The following PSAP variants were observed in gnomAD, a reference collection of about 807,000 sequenced individuals.
PSAP encodes precursor of saposins.
PSAP carries 25 observed loss-of-function variants against 66.0 expected under a neutral mutation model. The observed-to-expected ratio is 0.38, with a 90% CI of 0.28 to 0.53. PSAP has a LOEUF of 0.53. Ranked by LOEUF, PSAP falls within the 20% of genes least tolerant of loss-of-function variation. The pLI is 0.83. For synonymous variants in PSAP, 273 were observed against 258.9 expected (o/e 1.05, Z -0.52); for missense variants, 649 against 668.8 (o/e 0.97, Z 0.33).
chr10:71,851,030 A>T, intron 1 of PSAP, 152 bp downstream of exon 1: 1 of 837,340 alleles, frequency 1.2e-6, no homozygotes, highest in Non-Finnish European at 1.9e-6. Flanking sequence ...AGAGAAAGCC[A>T]GAGAAAGCCA....
chr10:71,818,770 G>T, intron 12 of PSAP, 46 bp from the exon 13 acceptor site: 1 of 1,467,438 alleles, frequency 6.8e-7, no homozygotes, highest in Non-Finnish European at 9.6e-7. Context: ...AATGAGAGCT[G>T]CCCGATGTAT....
Position 71,817,134 on chromosome 10 carries a change from C to G in PSAP, c.*307G>C. 2.1e-6 allele frequency: 1 copy of G among 486,278 alleles called. No individual in the cohort carries two copies. The highest frequency in any genetic ancestry group is 2.1e-5 in the South Asian group (1 of 47,454). The allele number at this position is 486,278 out of a possible 1,614,324, so 30.1% of individuals were successfully genotyped here. On this transcript the variant is annotated 3_prime_UTR_variant, in exon 14 of 14. Transcript: ENST00000394936. ...GGGTTGATGGCCTCCAGTCAAGAAA[C>G]TGTGGCTCATGCCAGCAGAGCTCTC... is the stretch of plus-strand genomic sequence containing the variant.
In PSAP at chr10:71,819,935, G is replaced by T; in HGVS notation, c.1006-35C>A. On this transcript the variant is annotated intron_variant, in intron 9 of 13. Transcript: ENST00000394936. ...ACGAGAGGATCGTGTGAGAAGACGG[G>T]AGGCCGGACAAGGGTTGGGGGACAT... 1.3e-6 allele frequency: 2 copies of T among 1,578,388 alleles called. 1 individual carries two copies. Among genetic ancestry groups the T allele is most frequent in the Middle Eastern group, 3.4e-4 (2 of 5,958 alleles).
intron 11 of PSAP, 159 bp from the exon 12 acceptor site, chr10:71,819,270 C>T (rs1842241586): frequency 9.9e-7 from 1 of 1,009,312 alleles, no homozygotes; most frequent in African/African-American, 1.6e-5. Flanking sequence ...ACCCTATCTA[C>T]ATTTGGCCTC....
chr10:71,843,713 T>G (rs4746095), intron 1 of PSAP, among the ~76,000 whole-genome samples: 6,706 of 152,150 alleles, frequency 0.044, 211 homozygotes, highest in Admixed American at 0.095. Context: ...AGCTGGGAAG[T>G]GGGAAGAGAT....
chr10:71,843,168 G>A (rs1218327674), intron 1 of PSAP, among the ~76,000 whole-genome samples: 2 of 152,104 alleles, frequency 1.3e-5, no homozygotes, highest in African/African-American at 2.4e-5. Flanking sequence ...GCAGGGACCC[G>A]AATGCACAGA....
chr10:71,841,730 G>A (rs1171215489), intron 1 of PSAP, among the ~76,000 whole-genome samples: 1 of 152,146 alleles, frequency 6.6e-6, no homozygotes. Flanking sequence ...AAATGGCCAG[G>A]TGCAGTGGCT....
At chr10:71,827,870 C>G in intron 6 of PSAP, 144 bp downstream of exon 6, 1 of 1,171,090 alleles carries the variant, frequency 8.5e-7, no homozygotes, top group Non-Finnish European at 1.2e-6. Context: ...TGCCATTAAC[C>G]AAAATAGATT....
intron 10 of PSAP, 42 bp from the exon 11 acceptor site, chr10:71,819,664 C>G (rs1260903768): frequency 6.2e-7 from 1 of 1,614,070 alleles, no homozygotes. Context: ...CAGGGCCCTC[C>G]CAGACCCAAG....
intron 2 of PSAP, 107 bp from the exon 3 acceptor site, chr10:71,832,027 G>T: frequency 9.1e-7 from 1 of 1,103,942 alleles, no homozygotes; most frequent in Non-Finnish European, 1.4e-6. Flanking sequence ...CCAGGGATAT[G>T]ATCATGACCG....
rs143094993 is a variant in PSAP at position 71,838,208 on chromosome 10, C to G, written c.41-3703G>C. Among the ~76,000 whole-genome samples, 466 of 152,314 alleles carry G rather than the reference C, an allele frequency of 3.1e-3. 3 individuals carry two copies. Among genetic ancestry groups the G allele is most frequent in the African/African-American group, 0.01 (429 of 41,564 alleles). On this transcript the variant is annotated intron_variant, in intron 1 of 13. Coordinates refer to ENST00000394936, the MANE Select transcript of PSAP (RefSeq NM_002778.4). ...GAGCCAAGAGAGGCTAACACAGAGT[C>G]CAAGAGAACAAGATGGGCAAATGGC...
chr10:71,841,932 C>T (rs12266725), intron 1 of PSAP, among the ~76,000 whole-genome samples: 2,476 of 150,864 alleles, frequency 0.016, 73 homozygotes, highest in African/African-American at 0.058. Flanking sequence ...CTTGAACCTG[C>T]AAGGCAGAGG....
chr10:71,849,895 G>A (rs977035301), intron 1 of PSAP, among the ~76,000 whole-genome samples: 2 of 152,070 alleles, frequency 1.3e-5, no homozygotes, highest in African/African-American at 4.8e-5. Context: ...ATACCTATGA[G>A]AATTAAGCTC....
chr10:71,833,975 C>G (rs553336371), intron 2 of PSAP, among the ~76,000 whole-genome samples: 2 of 152,264 alleles, frequency 1.3e-5, no homozygotes, highest in Admixed American at 1.3e-4. Flanking sequence ...GAGTGAGTGA[C>G]CAAGGATAGA....
At chr10:71,849,291 G>C (rs1360597250) in intron 1 of PSAP, among the ~76,000 whole-genome samples, 2 of 152,226 alleles carry the variant, frequency 1.3e-5, no homozygotes, top group Non-Finnish European at 2.9e-5. Context: ...ATAGGGTCAA[G>C]ATACATTCTT....
chr10:71,838,420 T>C (rs1195962331), intron 1 of PSAP, among the ~76,000 whole-genome samples: 2 of 107,422 alleles, frequency 1.9e-5, no homozygotes, highest in Non-Finnish European at 4.4e-5. Flanking sequence ...GGAGAAGGAA[T>C]GTTTCAGAGA....
intron 7 of PSAP, chr10:71,822,251 A>C: frequency 1.8e-6 from 1 of 555,466 alleles, no homozygotes; most frequent in Non-Finnish European, 3.2e-6. Context: ...GGAACATCAA[A>C]CAGAGTCTCC....
In PSAP at chr10:71,817,374, TC is replaced by T. The variant is rs1564813375; in HGVS notation, c.*66del. 1 of 1,503,712 alleles carries T rather than the reference TC, an allele frequency of 6.7e-7. No individual in the cohort carries two copies. Among genetic ancestry groups the T allele is most frequent in the Non-Finnish European group, 9.3e-7 (1 of 1,079,456 alleles). The allele number at this position is 1,503,712 out of a possible 1,614,324, so 93.1% of individuals were successfully genotyped here. On this transcript the variant is annotated 3_prime_UTR_variant, in exon 14 of 14. Coordinates refer to ENST00000394936, the MANE Select transcript of PSAP (RefSeq NM_002778.4). The stretch of plus-strand genomic sequence containing the variant: ...AAGTCAAACAGATCTGTGCGTTCAT[TC>T]CCCCAGACACACAAGTAGAAAAAAA...
rs548760054 is a variant in PSAP at position 71,824,902 on chromosome 10, G to C, written c.777+935C>G. 1.1e-4 allele frequency among the ~76,000 whole-genome samples: 17 copies of C among 152,288 alleles called. No individual in the cohort carries two copies. The East Asian group carries it at 3.1e-3, about 28-fold the overall frequency. ...TTACCTACTTCAGGTGCATGTCTCT[G>C]TAAGCTGCCTTTTAACTGTTTTTAG... On this transcript the variant is annotated intron_variant, in intron 7 of 13. Transcript: ENST00000394936.
Sources: allele counts gnomAD v4.1 joint callset (sites outside exome capture counted in the v4.1 genomes callset), GRCh38; gene constraint gnomAD v4.1.1; transcripts MANE v1.5; gene names NCBI Gene and HGNC (gene_info 2026-07-23, HGNC 2026-07-21).